Variants in CSMD1 observed in about 807,000 individuals in gnomAD.
The protein encoded by CSMD1 is CUB and sushi domain-containing protein 1.
Under a neutral mutation model 417.5 loss-of-function variants are expected in CSMD1, and 213 were observed. The observed-to-expected ratio is 0.51, with a 90% CI of 0.46 to 0.57. CSMD1 has a LOEUF of 0.57. CSMD1 is among the 20% of genes least tolerant of loss of function. CSMD1 has a pLI of 0.00. For missense variants in CSMD1, 6,923 were observed against 4,529.7 expected, an observed-to-expected ratio of 1.53 and a Z score of -15.17; for synonymous variants, 2,862 against 1,736.8, an observed-to-expected ratio of 1.65 and a Z score of -16.11.
intron 5 of CSMD1, among the ~76,000 whole-genome samples, chr8:3,960,638 C>G (rs955379595): frequency 2.0e-5 from 3 of 151,552 alleles, no homozygotes; most frequent in African/African-American, 7.3e-5. Flanking sequence ...TTAATATGCA[C>G]TGATTAATTG....
At chr8:3,457,344 G>T (rs973495891) in intron 12 of CSMD1, among the ~76,000 whole-genome samples, 3 of 152,124 alleles carry the variant, frequency 2.0e-5, no homozygotes, top group Non-Finnish European at 4.4e-5. Context: ...GCCAAAGTCT[G>T]AAGCTGCCTA....
At chr8:3,926,026 C>CACACACACACACAAACACCATAT (rs1809644187) in intron 5 of CSMD1, among the ~76,000 whole-genome samples, 2 of 125,328 alleles carry the variant, frequency 1.6e-5, no homozygotes, top group South Asian at 2.5e-4. Context: ...CACACACACA[C>CACACACACACACAAACACCATAT]ACACACACAC....
At chr8:4,223,959 G>A (rs995238858) in intron 3 of CSMD1, among the ~76,000 whole-genome samples, 1 of 152,094 alleles carries the variant, frequency 6.6e-6, no homozygotes, top group Admixed American at 6.6e-5. Context: ...GAACATACTA[G>A]TCCAACCACT....
intron 5 of CSMD1, among the ~76,000 whole-genome samples, chr8:3,977,244 A>G (rs1407508378): frequency 6.6e-6 from 1 of 152,000 alleles, no homozygotes; most frequent in Non-Finnish European, 1.5e-5. Flanking sequence ...GCTACATTCC[A>G]CCTATGATAA....
At chr8:4,226,236 A>T (rs900866917) in intron 3 of CSMD1, among the ~76,000 whole-genome samples, 3 of 152,204 alleles carry the variant, frequency 2.0e-5, no homozygotes, top group Admixed American at 6.5e-5. Flanking sequence ...CAGCAAAAAC[A>T]AAAAGTAAAA....
At chr8:4,277,058 T>C (rs1796527242) in intron 3 of CSMD1, among the ~76,000 whole-genome samples, 4 of 152,144 alleles carry the variant, frequency 2.6e-5, no homozygotes, top group Non-Finnish European at 5.9e-5. Flanking sequence ...AGACTATCCA[T>C]TTTACAATGT....
At chr8:4,158,041 G>C (rs983313234) in intron 3 of CSMD1, among the ~76,000 whole-genome samples, 7 of 151,208 alleles carry the variant, frequency 4.6e-5, no homozygotes, top group Non-Finnish European at 1.0e-4. Context: ...CCTGCTCAAA[G>C]CTCCTGCTAC....
chr8:3,987,165 C>T (rs949398408), intron 5 of CSMD1, among the ~76,000 whole-genome samples: 1 of 152,162 alleles, frequency 6.6e-6, no homozygotes, highest in Non-Finnish European at 1.5e-5. Flanking sequence ...TGGGAGAAAG[C>T]AATCCAGTAT....
intron 3 of CSMD1, among the ~76,000 whole-genome samples, chr8:4,116,230 G>A (rs1382176547): frequency 1.3e-5 from 2 of 151,996 alleles, no homozygotes; most frequent in African/African-American, 2.4e-5. Flanking sequence ...CTGACCTCAG[G>A]TGATCCACAA....
At chr8:3,342,532 T>C (rs1388496463) in intron 23 of CSMD1, among the ~76,000 whole-genome samples, 1 of 152,244 alleles carries the variant, frequency 6.6e-6, no homozygotes, top group Non-Finnish European at 1.5e-5. Context: ...TAGCTTTTTC[T>C]TTTACTTCAG....
At chr8:4,871,980 C>T (rs1398483076) in intron 1 of CSMD1, among the ~76,000 whole-genome samples, 1 of 152,046 alleles carries the variant, frequency 6.6e-6, no homozygotes, top group Non-Finnish European at 1.5e-5. Context: ...GCAGCACGGC[C>T]CCAGCATTTT....
chr8:4,704,523 T>A (rs554308965), intron 1 of CSMD1, among the ~76,000 whole-genome samples: 1 of 152,340 alleles, frequency 6.6e-6, no homozygotes, highest in East Asian at 1.9e-4. Flanking sequence ...AATCTGATGT[T>A]TCAGTGCCAT....
chr8:3,659,847 A>G (rs985557229), intron 7 of CSMD1, among the ~76,000 whole-genome samples: 16 of 152,206 alleles, frequency 1.1e-4, no homozygotes, highest in African/African-American at 3.9e-4. Flanking sequence ...TAGACTATAC[A>G]ATTTCAACTT....
At chr8:4,379,239 C>T (rs374850467) in intron 3 of CSMD1, among the ~76,000 whole-genome samples, 23 of 152,176 alleles carry the variant, frequency 1.5e-4, no homozygotes, top group African/African-American at 5.3e-4. Context: ...TATCAGAAAG[C>T]CTCAACATGT....
At chr8:4,342,880 A>G (rs1800560693) in intron 3 of CSMD1, among the ~76,000 whole-genome samples, 2 of 152,116 alleles carry the variant, frequency 1.3e-5, no homozygotes, top group Non-Finnish European at 2.9e-5. Flanking sequence ...CATGTGACAT[A>G]TCAGGAGAAG....
chr8:4,194,067 A>G (rs112244593), intron 3 of CSMD1, among the ~76,000 whole-genome samples: 151 of 152,300 alleles, frequency 9.9e-4, no homozygotes, highest in African/African-American at 3.6e-3. Context: ...TACAAAAAAT[A>G]TATTAACAAT....
At chr8:3,417,348 T>G (rs1219463162) in intron 12 of CSMD1, among the ~76,000 whole-genome samples, 1 of 152,316 alleles carries the variant, frequency 6.6e-6, no homozygotes, top group South Asian at 2.1e-4. Flanking sequence ...ACATTTAGAT[T>G]TCAGACAGCT....
chr8:4,305,949 G>A (rs999159942), intron 3 of CSMD1, among the ~76,000 whole-genome samples: 3 of 152,104 alleles, frequency 2.0e-5, no homozygotes, highest in Non-Finnish European at 4.4e-5. Flanking sequence ...CTGTATTGCA[G>A]GGTAACTTTC....
chr8:4,155,197 G>T (rs892968519), intron 3 of CSMD1, among the ~76,000 whole-genome samples: 5 of 152,158 alleles, frequency 3.3e-5, no homozygotes, highest in Admixed American at 1.3e-4. Flanking sequence ...TTGTCCTTTT[G>T]CAGTTTGTAA....
Sources: allele counts gnomAD v4.1 joint callset (sites outside exome capture counted in the v4.1 genomes callset), GRCh38; gene constraint gnomAD v4.1.1; transcripts MANE v1.5; gene names NCBI Gene and HGNC (gene_info 2026-07-23, HGNC 2026-07-21).